ATP6V1C1: variants seen among roughly 807,000 people sequenced by gnomAD.
ATP6V1C1 encodes the protein V-type proton ATPase subunit C 1.
In ATP6V1C1, 45 loss-of-function variants were observed where a neutral mutation model predicts 53.9. The ratio of observed to expected loss-of-function variants is 0.83; its 90% CI spans 0.66 to 1.07. The LOEUF is 1.07. ATP6V1C1 is among the 50% of genes least tolerant of loss of function. ATP6V1C1 has a pLI of 0.00. For missense variants in ATP6V1C1, 315 were observed against 440.3 expected, an observed-to-expected ratio of 0.72 and a Z score of 2.55; for synonymous variants, 153 against 155.2, an observed-to-expected ratio of 0.99 and a Z score of 0.11.
At chr8:103,050,963 A>C (rs1335510406) in intron 4 of ATP6V1C1, 87 bp from the exon 5 acceptor site, 4 of 876,850 alleles carry the variant, frequency 4.6e-6, no homozygotes, top group African/African-American at 1.7e-5. Context: ...CCTCAATGCC[A>C]ATTTCAGCAT....
chr8:103,048,267 C>A lies in ATP6V1C1; in HGVS notation c.201-603C>A, dbSNP rs1032073183. 2.8e-4 allele frequency among the ~76,000 whole-genome samples: 42 copies of A among 152,126 alleles called. 1 individual carries two copies. The highest frequency in any genetic ancestry group is 2.9e-5 in the Non-Finnish European group (2 of 68,012). The stretch of plus-strand genomic sequence containing the variant: ...GGAGTTTTTGCCATTTTTTTCCCCC[C>A]TAAAGTAATGGCCAGAACCACAGTT... On this transcript the variant is annotated intron_variant, in intron 3 of 12. Coordinates refer to ENST00000518738, the MANE Select transcript of ATP6V1C1 (RefSeq NM_001695.5).
intron 4 of ATP6V1C1, among the ~76,000 whole-genome samples, chr8:103,050,490 G>A (rs941379745): frequency 6.6e-6 from 1 of 152,184 alleles, no homozygotes; most frequent in African/African-American, 2.4e-5. Flanking sequence ...CCCTTTAGGG[G>A]TGAAGTCACT....
intron 4 of ATP6V1C1, among the ~76,000 whole-genome samples, chr8:103,049,569 T>A (rs886560379): frequency 6.6e-5 from 10 of 152,190 alleles, no homozygotes; most frequent in African/African-American, 2.2e-4. Context: ...GCATTTCTTG[T>A]TTTCTTATGA....
Position 103,062,161 on chromosome 8 carries a change from G to GTTTTTTT in ATP6V1C1, c.642-771_642-765dup, listed in dbSNP as rs767825523. ...TATTTAGACAGTTGTGTTCATCAGGGTTTTTTTTTTTTTTTTTTTTTTTTT... is the reference window on the plus strand; with the variant it reads ...TATTTAGACAGTTGTGTTCATCAGGGTTTTTTTTTTTTTTTTTTTTTTTTTTTTTTTT... On this transcript the variant is annotated intron_variant, in intron 8 of 12. Coordinates refer to ENST00000518738, the MANE Select transcript of ATP6V1C1 (RefSeq NM_001695.5). Among the ~76,000 whole-genome samples, 12 of 70,786 alleles carry GTTTTTTT rather than the reference G, an allele frequency of 1.7e-4. 1 individual carries two copies. Among genetic ancestry groups the GTTTTTTT allele is most frequent in the African/African-American group, 4.1e-4 (7 of 16,962 alleles). The allele number at this position is 70,786 out of a possible 152,430, so 46.4% of individuals were successfully genotyped here.
chr8:103,021,613 C>A (rs3824228), intron 1 of ATP6V1C1, among the ~76,000 whole-genome samples: 12,213 of 142,866 alleles, frequency 0.085, 570 homozygotes, highest in East Asian at 0.15. Flanking sequence ...CAAGTGCCTT[C>A]ACTGGGTGTG....
At chr8:103,040,234 CA>C (rs35004076) in intron 1 of ATP6V1C1, among the ~76,000 whole-genome samples, 39,219 of 151,460 alleles carry the variant, frequency 0.26, 5,865 homozygotes, top group Admixed American at 0.39. Flanking sequence ...GCTAACATGG[CA>C]AAAACCTGTC....
chr8:103,065,875 C>T (rs1440096873), intron 11 of ATP6V1C1, among the ~76,000 whole-genome samples: 1 of 152,028 alleles, frequency 6.6e-6, no homozygotes, highest in Non-Finnish European at 1.5e-5. Context: ...AACCCCGTCT[C>T]TACTAAAAAT....
At chr8:103,062,858 C>T in intron 8 of ATP6V1C1, 97 bp from the exon 9 acceptor site, 3 of 1,010,954 alleles carry the variant, frequency 3.0e-6, no homozygotes, top group Non-Finnish European at 4.6e-6. Flanking sequence ...GGCTATTATA[C>T]CCTACTTTTC....
At chr8:103,053,162 C>A (rs1817229386) in intron 6 of ATP6V1C1, among the ~76,000 whole-genome samples, 1 of 151,978 alleles carries the variant, frequency 6.6e-6, no homozygotes, top group South Asian at 2.1e-4. Context: ...AATTACCTAT[C>A]ACTTAACTAT....
chr8:103,035,217 A>G (rs1003213877), intron 1 of ATP6V1C1, among the ~76,000 whole-genome samples: 1 of 152,146 alleles, frequency 6.6e-6, no homozygotes, highest in Non-Finnish European at 1.5e-5. Flanking sequence ...TTTAATTTTT[A>G]CTGTAAAATA....
intron 1 of ATP6V1C1, among the ~76,000 whole-genome samples, chr8:103,025,273 G>A (rs1039568367): frequency 2.0e-5 from 3 of 152,144 alleles, no homozygotes; most frequent in Admixed American, 6.5e-5. Flanking sequence ...GGTGCTATTG[G>A]CAGTTTGGAG....
At chr8:103,027,897 C>T (rs994553186) in intron 1 of ATP6V1C1, among the ~76,000 whole-genome samples, 2 of 152,084 alleles carry the variant, frequency 1.3e-5, no homozygotes, top group African/African-American at 4.8e-5. Flanking sequence ...CCCTCTCCCA[C>T]CCCCAATTGT....
At chr8:103,042,282 C>T (rs2131389653) in intron 2 of ATP6V1C1, 58 bp from the exon 3 acceptor site, 1 of 1,434,824 alleles carries the variant, frequency 7.0e-7, no homozygotes, top group African/African-American at 1.4e-5. Context: ...GATGAATCAT[C>T]TTGTTTTTTT....
chr8:103,031,093 G>A (rs1816789548), intron 1 of ATP6V1C1, among the ~76,000 whole-genome samples: 1 of 152,142 alleles, frequency 6.6e-6, no homozygotes, highest in African/African-American at 2.4e-5. Context: ...AAAGTCCAGT[G>A]ATACACAGTG....
chr8:103,052,834 A>G lies in ATP6V1C1; in HGVS notation c.473+12A>G. 1 of 1,542,264 alleles carries G rather than the reference A, an allele frequency of 6.5e-7. No homozygotes were observed. Among genetic ancestry groups the G allele is most frequent in the South Asian group, 1.2e-5 (1 of 83,610 alleles). On this transcript the variant is annotated intron_variant, in intron 6 of 12. Transcript: ENST00000518738. ...GAACGAAAGAATGCGTAAGCAGATC[A>G]AGTATATTTGAGTACTAAGAACTGG... is the stretch of plus-strand genomic sequence containing the variant.
intron 4 of ATP6V1C1, among the ~76,000 whole-genome samples, chr8:103,050,295 G>A (rs1280574077): frequency 6.6e-6 from 1 of 152,192 alleles, no homozygotes; most frequent in Admixed American, 6.5e-5. Context: ...CAGTCTAGTA[G>A]GTGGAATGGT....
intron 11 of ATP6V1C1, among the ~76,000 whole-genome samples, chr8:103,065,490 T>C (rs1405215413): frequency 6.6e-6 from 1 of 152,018 alleles, no homozygotes; most frequent in Admixed American, 6.6e-5. Context: ...GAGGTGGAGG[T>C]TGCAGTGAGC....
intron 1 of ATP6V1C1, among the ~76,000 whole-genome samples, chr8:103,028,705 G>C (rs930515822): frequency 6.6e-6 from 1 of 152,200 alleles, no homozygotes; most frequent in African/African-American, 2.4e-5. Flanking sequence ...ACTGGGATTA[G>C]ATTCCAAGTC....
At chr8:103,028,995 T>C (rs537873691) in intron 1 of ATP6V1C1, among the ~76,000 whole-genome samples, 9 of 152,230 alleles carry the variant, frequency 5.9e-5, no homozygotes, top group African/African-American at 1.9e-4. Context: ...TTTTTGTTTG[T>C]GTTTACATGT....
Sources: allele counts gnomAD v4.1 joint callset (sites outside exome capture counted in the v4.1 genomes callset), GRCh38; gene constraint gnomAD v4.1.1; transcripts MANE v1.5; gene names NCBI Gene and HGNC (gene_info 2026-07-23, HGNC 2026-07-21).